MYH13: variants seen among roughly 807,000 people sequenced by gnomAD.
MYH13 encodes the protein myosin heavy chain 13, also known as myosin-13.
Under a neutral mutation model 232.1 loss-of-function variants are expected in MYH13, and 177 were observed. That is an observed-to-expected ratio of 0.76 (90% CI 0.67 to 0.86). MYH13 has a LOEUF of 0.86. Ranked by LOEUF, MYH13 falls within the 40% of genes least tolerant of loss-of-function variation. The pLI is 0.00. For synonymous variants in MYH13, 884 were observed against 923.5 expected, an observed-to-expected ratio of 0.96 and a Z score of 0.78; for missense variants, 2,246 against 2,405.9, an observed-to-expected ratio of 0.93 and a Z score of 1.39.
rs748360299 is a variant in MYH13, at chr17:10,357,842, G to T, written c.646-15C>A. 1.9e-6 allele frequency: 3 copies of T among 1,605,550 alleles called. No homozygotes were observed. Among genetic ancestry groups the T allele is most frequent in the Non-Finnish European group, 2.6e-6 (3 of 1,175,042 alleles). On this transcript the variant is annotated splice_polypyrimidine_tract_variant and intron_variant, in intron 7 of 40. Coordinates refer to ENST00000252172, the MANE Select transcript of MYH13 (RefSeq NM_003802.3). ...TCTAGGGTTCCCTAATAATAAACAA[G>T]AAGAGGAAAAAGAGGACTTTGGATG...
intron 20 of MYH13, among the ~76,000 whole-genome samples, chr17:10,331,119 A>C (rs1444177281): frequency 3.9e-5 from 6 of 152,158 alleles, no homozygotes. Flanking sequence ...GCTCACATAC[A>C]GGAAACAAAG....
At chr17:10,307,162 G>C (rs1906323639) in intron 35 of MYH13, 98 bp from the exon 36 acceptor site, 1 of 1,458,224 alleles carries the variant, frequency 6.9e-7, no homozygotes, top group South Asian at 1.4e-5. Context: ...TTGTGATCCT[G>C]TTCCATTTCT....
chr17:10,335,481 G>A (rs946396078), intron 18 of MYH13, among the ~76,000 whole-genome samples: 19 of 152,196 alleles, frequency 1.2e-4, no homozygotes, highest in African/African-American at 4.6e-4. Flanking sequence ...GGCCCGGTGC[G>A]ATGGCTCACG....
At chr17:10,334,630 C>T (rs74489643) in intron 18 of MYH13, among the ~76,000 whole-genome samples, 1,538 of 151,962 alleles carry the variant, frequency 0.01, 72 homozygotes, top group East Asian at 0.094. Flanking sequence ...CTGTAATCAC[C>T]GCACTTGGGA....
intron 7 of MYH13, 61 bp from the exon 8 acceptor site, chr17:10,357,888 G>T (rs2071761134): frequency 9.5e-6 from 14 of 1,470,276 alleles, no homozygotes; most frequent in Non-Finnish European, 1.3e-5. Flanking sequence ...GTAGCCCCTT[G>T]ATGACTAAAA....
intron 21 of MYH13, 43 bp from the exon 22 acceptor site, chr17:10,328,164 C>G (rs189290763): frequency 6.2e-7 from 1 of 1,604,096 alleles, no homozygotes; most frequent in Admixed American, 1.7e-5. Context: ...CCAGCAAGGT[C>G]TGGTCTCTGC....
intron 18 of MYH13, among the ~76,000 whole-genome samples, chr17:10,337,741 C>T (rs1235713454): frequency 1.3e-5 from 2 of 152,174 alleles, no homozygotes; most frequent in South Asian, 2.1e-4. Flanking sequence ...ACAGACATTT[C>T]AGCAACATTT....
intron 22 of MYH13, among the ~76,000 whole-genome samples, chr17:10,327,248 G>C (rs1293757554): frequency 1.3e-5 from 2 of 151,016 alleles, no homozygotes; most frequent in Non-Finnish European, 3.0e-5. Flanking sequence ...TGATCCTCCC[G>C]CCTCGGCCTC....
chr17:10,328,202 A>C, intron 21 of MYH13, 81 bp from the exon 22 acceptor site: 3 of 1,502,676 alleles, frequency 2.0e-6, no homozygotes, highest in Non-Finnish European at 2.7e-6. Flanking sequence ...GACGGACCCC[A>C]TCCTCCGTCT....
At position 10,333,115 on chromosome 17, in the gene MYH13, C is replaced by T. The variant is rs921637391; in HGVS notation, c.2133G>A (p.Lys711=). Residue 711 remains lysine, a synonymous_variant, in exon 19 of 41, where the codon AAG becomes AAA. Transcript: ENST00000252172. ...GVLEGIRICR[K]GFPSRILYAD... Reference sequence around the variant, plus strand: ...CATAGAGGATCCGGCTGGGGAATCCCTTCCTGCAAATCCGGATGCCCTCGA... The same window carrying T: ...CATAGAGGATCCGGCTGGGGAATCCTTTCCTGCAAATCCGGATGCCCTCGA... 6.4e-7 allele frequency: 1 copy of T among 1,551,662 alleles called. No homozygotes were observed. The highest frequency in any genetic ancestry group is 1.4e-5 in the African/African-American group (1 of 73,042).
intron 23 of MYH13, 63 bp downstream of exon 23, chr17:10,323,959 T>C: frequency 6.3e-7 from 1 of 1,586,842 alleles, no homozygotes; most frequent in South Asian, 1.2e-5. Flanking sequence ...CCCTTTCTCC[T>C]CCTTACAGAG....
intron 35 of MYH13, among the ~76,000 whole-genome samples, chr17:10,307,318 A>T (rs1886973727): frequency 6.6e-6 from 1 of 152,218 alleles, no homozygotes; most frequent in Admixed American, 6.5e-5. Context: ...ATATTTGAGG[A>T]TGGATAGATT....
At chr17:10,366,422 C>T (rs2071838691) in intron 2 of MYH13, among the ~76,000 whole-genome samples, 1 of 138,630 alleles carries the variant, frequency 7.2e-6, no homozygotes, top group Non-Finnish European at 1.5e-5. Flanking sequence ...GCTCTGTCTC[C>T]CAGGCTGGAG....
intron 2 of MYH13, among the ~76,000 whole-genome samples, chr17:10,367,421 T>C (rs1403706916): frequency 1.3e-5 from 2 of 152,214 alleles, no homozygotes; most frequent in African/African-American, 2.4e-5. Context: ...CAATCTCAGC[T>C]CACTGCAACC....
At chr17:10,337,598 TA>T (rs1487957136) in intron 18 of MYH13, among the ~76,000 whole-genome samples, 1 of 152,044 alleles carries the variant, frequency 6.6e-6, no homozygotes, top group Non-Finnish European at 1.5e-5. Flanking sequence ...TTCTAGAAAA[TA>T]AAGAGGGCAC....
intron 15 of MYH13, among the ~76,000 whole-genome samples, chr17:10,344,588 TG>T (rs2071646470): frequency 1.3e-5 from 2 of 151,452 alleles, no homozygotes; most frequent in African/African-American, 4.9e-5. Context: ...GAGGCTGAGG[TG>T]GGTGGATCAC....
intron 22 of MYH13, among the ~76,000 whole-genome samples, chr17:10,325,462 A>T (rs543429479): frequency 6.6e-6 from 1 of 152,324 alleles, no homozygotes; most frequent in African/African-American, 2.4e-5. Flanking sequence ...TATAGGCATG[A>T]GCCACCAGGC....
rs371179959 is a variant in MYH13, at chr17:10,301,622, C to T, written c.5749G>A (p.Ala1917Thr). ...LEEAAERADIAESQVNKLRAK... is the reference protein window; with the variant it reads ...LEEAAERADITESQVNKLRAK... ...CTCAGCTTGTTGACCTGGGACTCAG[C>T]GATGTCCGCCCTCTCCGCGGCCTCC... Residue 1917 changes from alanine (A) to threonine (T), a missense_variant, in exon 40 of 41, where the codon GCT becomes ACT. Transcript: ENST00000252172. The T allele has an allele frequency of 1.7e-5, 27 of 1,614,086 alleles. No homozygotes were observed. The highest frequency in any genetic ancestry group is 1.7e-4 in the Admixed American group (10 of 60,010).
intron 18 of MYH13, among the ~76,000 whole-genome samples, chr17:10,336,292 A>C (rs2071574625): frequency 6.6e-6 from 1 of 152,112 alleles, no homozygotes; most frequent in African/African-American, 2.4e-5. Context: ...CCAATGCGTA[A>C]AACTTCTAAA....
Sources: gnomAD v4.1 joint callset for allele counts (sites outside exome capture counted in the v4.1 genomes callset) on GRCh38, gnomAD v4.1.1 for gene constraint, MANE v1.5 for transcripts, NCBI Gene and HGNC (gene_info 2026-07-23, HGNC 2026-07-21) for gene names.